DNAAF9: variants seen among roughly 807,000 people sequenced by gnomAD.
DNAAF9 encodes dynein axonemal assembly factor 9, also known as shulin.
In DNAAF9, 90 loss-of-function variants were observed where a neutral mutation model predicts 167.0. That is an observed-to-expected ratio of 0.54 (90% CI 0.45 to 0.64). The LOEUF (loss-of-function observed/expected upper bound fraction) is 0.64. Ranked by LOEUF, DNAAF9 falls within the 30% of genes least tolerant of loss-of-function variation. The pLI is 0.00. For missense variants in DNAAF9, 1,315 were observed against 1,442.2 expected (o/e 0.91, Z 1.43); for synonymous variants, 491 against 508.8 (o/e 0.96, Z 0.47).
At chr20:3,283,184 T>G (rs1458254590) in intron 27 of DNAAF9, among the ~76,000 whole-genome samples, 1 of 152,182 alleles carries the variant, frequency 6.6e-6, no homozygotes, top group Non-Finnish European at 1.5e-5. Context: ...TTTGTTCCTA[T>G]GGAAATAAGT....
At chr20:3,292,550 C>A (rs954016530) in intron 25 of DNAAF9, among the ~76,000 whole-genome samples, 3 of 149,670 alleles carry the variant, frequency 2.0e-5, no homozygotes, top group African/African-American at 7.4e-5. Context: ...GAGGATCACT[C>A]GAAGTCAGGA....
At chr20:3,331,120 C>G (rs1329339707) in intron 11 of DNAAF9, among the ~76,000 whole-genome samples, 1 of 152,106 alleles carries the variant, frequency 6.6e-6, no homozygotes, top group Non-Finnish European at 1.5e-5. Context: ...AAATATAGTA[C>G]AAACACCAAC....
Position 3,249,595 on chromosome 20 carries a change from G to A in DNAAF9, c.*2977C>T, listed in dbSNP as rs78650813. On this transcript the variant is annotated 3_prime_UTR_variant, in exon 37 of 37. Transcript: ENST00000252032. The stretch of plus-strand genomic sequence containing the variant: ...CTAGTATAAAAGTGAATTTTGGCAC[G>A]TAAGTGAGCTCTTATGTCATTAGTA... 1,261 of 152,236 alleles carry A rather than the reference G, an allele frequency of 8.3e-3. 20 individuals carry two copies. The highest frequency in any genetic ancestry group is 0.028 in the African/African-American group (1,179 of 41,530). 9.4% of individuals were successfully genotyped at this position (152,236 alleles called of 1,614,324 possible).
chr20:3,307,691 A>G (rs970651743), intron 20 of DNAAF9, among the ~76,000 whole-genome samples: 21 of 152,112 alleles, frequency 1.4e-4, no homozygotes, highest in African/African-American at 4.8e-4. Context: ...CAAAACCAGG[A>G]GGACTGCAGT....
intron 1 of DNAAF9, among the ~76,000 whole-genome samples, chr20:3,397,767 C>T (rs956386047): frequency 1.3e-5 from 2 of 151,968 alleles, no homozygotes; most frequent in Non-Finnish European, 2.9e-5. Context: ...AATAGATTTC[C>T]TAATAATGAA....
intron 10 of DNAAF9, among the ~76,000 whole-genome samples, chr20:3,335,272 G>A (rs2069915666): frequency 6.6e-6 from 1 of 151,990 alleles, no homozygotes; most frequent in Non-Finnish European, 1.5e-5. Flanking sequence ...TTTTAGGTAG[G>A]TCTTCCAGCA....
At chr20:3,263,799 G>T (rs1239807186) in intron 31 of DNAAF9, among the ~76,000 whole-genome samples, 1 of 152,168 alleles carries the variant, frequency 6.6e-6, no homozygotes, top group Admixed American at 6.5e-5. Context: ...CTGAAAGACT[G>T]AATTATAAAT....
chr20:3,395,893 T>A (rs932878898), intron 1 of DNAAF9, among the ~76,000 whole-genome samples: 5 of 152,204 alleles, frequency 3.3e-5, no homozygotes, highest in African/African-American at 9.7e-5. Context: ...AATCTCATCT[T>A]GAATTGTAAC....
intron 29 of DNAAF9, among the ~76,000 whole-genome samples, chr20:3,274,634 C>T (rs1168291083): frequency 3.9e-5 from 6 of 152,238 alleles, no homozygotes; most frequent in Non-Finnish European, 8.8e-5. Flanking sequence ...AACCGTAACA[C>T]ATCACTCTAG....
At chr20:3,353,473 C>T (rs1197174477) in intron 7 of DNAAF9, among the ~76,000 whole-genome samples, 3 of 151,974 alleles carry the variant, frequency 2.0e-5, no homozygotes, top group Non-Finnish European at 2.9e-5. Flanking sequence ...TTAAAAAACA[C>T]AAAAATTAGC....
chr20:3,332,445 G>C, intron 10 of DNAAF9, 84 bp from the exon 11 acceptor site: 1 of 698,128 alleles, frequency 1.4e-6, no homozygotes, highest in Non-Finnish European at 2.5e-6. Flanking sequence ...TAGAGTCAAT[G>C]GAAATAAATT....
At chr20:3,340,440 ACCCACCCCACC>A in intron 10 of DNAAF9, 53 bp downstream of exon 10, 1 of 124,212 alleles carries the variant, frequency 8.1e-6, no homozygotes, top group Non-Finnish European at 1.7e-5. Context: ...AGCTCCCCCC[ACCCACCCCACC>A]CCCACAACTT....
Position 3,298,182 on chromosome 20 carries a change from C to CT in DNAAF9, c.1783-8_1783-7insA. The CT allele has an allele frequency of 6.2e-7, 1 of 1,610,026 alleles. No individual in the cohort carries two copies. On this transcript the variant is annotated splice_region_variant and splice_polypyrimidine_tract_variant and intron_variant, in intron 21 of 36. Transcript: ENST00000252032. The stretch of plus-strand genomic sequence containing the variant: ...CAACAGTACTGGTGGAATCCTAAAG[C>CT]GAAAAGGAGGGAGCATCAGCAAGAA...
intron 1 of DNAAF9, among the ~76,000 whole-genome samples, chr20:3,398,418 T>C (rs1463357889): frequency 2.0e-5 from 3 of 152,160 alleles, no homozygotes; most frequent in Non-Finnish European, 1.5e-5. Flanking sequence ...TACTGTCACT[T>C]GCAATGGAAA....
At chr20:3,353,125 TATAAC>T (rs990339688) in intron 7 of DNAAF9, among the ~76,000 whole-genome samples, 10 of 149,384 alleles carry the variant, frequency 6.7e-5, no homozygotes, top group Non-Finnish European at 1.5e-4. Flanking sequence ...ATAACATATA[TATAAC>T]ATATGTGTAT....
chr20:3,317,874 G>A (rs2069532914), intron 17 of DNAAF9, among the ~76,000 whole-genome samples: 1 of 152,132 alleles, frequency 6.6e-6, no homozygotes, highest in Non-Finnish European at 1.5e-5. Context: ...TGGGATTACA[G>A]GCATGAACCA....
At chr20:3,259,360 G>C in intron 33 of DNAAF9, 120 bp downstream of exon 33, 1 of 758,338 alleles carries the variant, frequency 1.3e-6, no homozygotes, top group Non-Finnish European at 2.4e-6. Flanking sequence ...GGGTGGGGAA[G>C]GTTTCTGAGA....
rs577425244 is a variant in DNAAF9 at position 3,402,615 on chromosome 20, T to C, written c.83+4860A>G. ...TTTCTTGACACAGGATCTCACTCTG[T>C]TGCCCAGGCTGGAGTGCAGTGGCAT... On this transcript the variant is annotated intron_variant, in intron 1 of 36. Coordinates refer to ENST00000252032, the MANE Select transcript of DNAAF9 (RefSeq NM_001009984.3). Among the ~76,000 whole-genome samples, 18 of 152,270 alleles carry C rather than the reference T, an allele frequency of 1.2e-4. No individual in the cohort carries two copies. In the South Asian group the frequency reaches 3.7e-3, roughly 32 times the overall value.
At chr20:3,359,367 T>G (rs2083330232) in intron 7 of DNAAF9, 149 bp downstream of exon 7, 3 of 634,624 alleles carry the variant, frequency 4.7e-6, no homozygotes, top group Non-Finnish European at 8.3e-6. Flanking sequence ...CCCCAAGGAA[T>G]TCAAGACAAT....
Sources: gnomAD v4.1 joint callset for allele counts (sites outside exome capture counted in the v4.1 genomes callset) on GRCh38, gnomAD v4.1.1 for gene constraint, MANE v1.5 for transcripts, NCBI Gene and HGNC (gene_info 2026-07-23, HGNC 2026-07-21) for gene names.